PHACTR4: variants seen among roughly 807,000 people sequenced by gnomAD.
PHACTR4 encodes protein phosphatase 1, regulatory subunit 124.
A neutral mutation model predicts 72.7 loss-of-function variants in PHACTR4; 51 were observed. The observed-to-expected ratio is 0.70, with a 90% CI of 0.56 to 0.89. The LOEUF is 0.89. PHACTR4 is among the 40% of genes least tolerant of loss of function. PHACTR4 has a pLI of 0.00. For missense variants in PHACTR4, 731 were observed against 861.8 expected (o/e 0.85, Z 1.90); for synonymous variants, 255 against 302.5 (o/e 0.84, Z 1.63).
intron 2 of PHACTR4, among the ~76,000 whole-genome samples, chr1:28,423,986 T>G (rs1655674632): frequency 6.6e-6 from 1 of 152,106 alleles, no homozygotes; most frequent in Admixed American, 6.6e-5. Flanking sequence ...TTTATTTTAT[T>G]TATGTTCTAA....
At chr1:28,491,146 A>T in intron 11 of PHACTR4, 134 bp downstream of exon 11, 1 of 826,202 alleles carries the variant, frequency 1.2e-6, no homozygotes, top group Non-Finnish European at 1.9e-6. Flanking sequence ...TGGCAGGAGG[A>T]TTGCTTGAGC....
chr1:28,485,142 T>C (rs1307357857), intron 9 of PHACTR4, among the ~76,000 whole-genome samples: 1 of 152,056 alleles, frequency 6.6e-6, no homozygotes, highest in East Asian at 1.9e-4. Context: ...TCTGAAATAG[T>C]CACATTTATA....
intron 2 of PHACTR4, among the ~76,000 whole-genome samples, chr1:28,427,789 C>T (rs1172399793): frequency 6.6e-6 from 1 of 152,182 alleles, no homozygotes; most frequent in Non-Finnish European, 1.5e-5. Context: ...GTATTCACTG[C>T]TGTGTCCCAA....
At chr1:28,397,798 C>T (rs1203837669) in intron 1 of PHACTR4, among the ~76,000 whole-genome samples, 1 of 151,260 alleles carries the variant, frequency 6.6e-6, no homozygotes, top group Non-Finnish European at 1.5e-5. Flanking sequence ...TGGGTTCAAG[C>T]GATTCCTCTG....
chr1:28,445,823 G>A (rs1657426418), intron 2 of PHACTR4, among the ~76,000 whole-genome samples: 1 of 152,152 alleles, frequency 6.6e-6, no homozygotes, highest in African/African-American at 2.4e-5. Context: ...GAGCCCAGGA[G>A]GTTGAGGCTG....
At chr1:28,480,073 A>T (rs1660185055) in intron 8 of PHACTR4, among the ~76,000 whole-genome samples, 1 of 152,210 alleles carries the variant, frequency 6.6e-6, no homozygotes, top group Non-Finnish European at 1.5e-5. Flanking sequence ...TTGAGTCCTG[A>T]TTAATTGAAG....
chr1:28,381,302 CTTT>C (rs55790699), intron 1 of PHACTR4, among the ~76,000 whole-genome samples: 3 of 111,964 alleles, frequency 2.7e-5, no homozygotes, highest in Non-Finnish European at 3.6e-5. Flanking sequence ...TGCGCCTGGC[CTTT>C]TTTTTTTTTT....
At chr1:28,470,539 C>T (rs990336235) in intron 6 of PHACTR4, among the ~76,000 whole-genome samples, 1 of 150,376 alleles carries the variant, frequency 6.6e-6, no homozygotes, top group African/African-American at 2.5e-5. Flanking sequence ...AAATACCCCC[C>T]CCAAAAATTA....
Position 28,491,650 on chromosome 1 carries a change from CTCAG to C in PHACTR4, c.1883_1886del (p.Ser628LysfsTer14). 6.2e-7 allele frequency: 1 copy of C among 1,613,908 alleles called. No homozygotes were observed. The highest frequency in any genetic ancestry group is 1.1e-5 in the South Asian group (1 of 91,066). On this transcript the variant is annotated frameshift_variant and splice_region_variant, in exon 12 of 14. Transcript: ENST00000373839. LOFTEE classifies it high-confidence loss of function. ...AACTAAGAGGCTCCGTTTCCTTCAG[CTCAG>C]TCAAAGGCCAACTGTCGCTGAACTC... is the stretch of plus-strand genomic sequence containing the variant.
chr1:28,457,644 A>G (rs373003727), intron 2 of PHACTR4, among the ~76,000 whole-genome samples: 1 of 152,040 alleles, frequency 6.6e-6, no homozygotes, highest in East Asian at 1.9e-4. Flanking sequence ...TTTAAAAAAG[A>G]TGTTTTAGTG....
intron 2 of PHACTR4, among the ~76,000 whole-genome samples, chr1:28,449,115 G>A (rs544548428): frequency 6.6e-6 from 1 of 152,148 alleles, no homozygotes; most frequent in Admixed American, 6.6e-5. Context: ...TGTATTCCAA[G>A]CTGGGTGAAA....
chr1:28,416,381 T>A (rs906026225), intron 2 of PHACTR4, among the ~76,000 whole-genome samples: 4 of 152,210 alleles, frequency 2.6e-5, no homozygotes, highest in African/African-American at 7.2e-5. Context: ...CATATCTGTA[T>A]GTGTTTCTTC....
At chr1:28,433,038 T>A (rs1419991124) in intron 2 of PHACTR4, 1 of 984,658 alleles carries the variant, frequency 1.0e-6, no homozygotes, top group Non-Finnish European at 1.2e-6. Flanking sequence ...CCACTGCACC[T>A]GACCTAAGGT....
At chr1:28,464,212 C>G (rs1036151953) in intron 4 of PHACTR4, among the ~76,000 whole-genome samples, 1 of 152,088 alleles carries the variant, frequency 6.6e-6, no homozygotes, top group African/African-American at 2.4e-5. Context: ...ATGATCCACC[C>G]GCCTCGGCCT....
intron 9 of PHACTR4, among the ~76,000 whole-genome samples, chr1:28,486,061 TAA>T (rs956404570): frequency 1.3e-5 from 2 of 150,064 alleles, no homozygotes; most frequent in African/African-American, 4.9e-5. Context: ...TTATGCAATT[TAA>T]AAGACTGACA....
chr1:28,417,160 T>C (rs971401320), intron 2 of PHACTR4, among the ~76,000 whole-genome samples: 1 of 152,028 alleles, frequency 6.6e-6, no homozygotes, highest in African/African-American at 2.4e-5. Context: ...AGTGTTAAAA[T>C]GTGATTAGGC....
Position 28,496,514 on chromosome 1 carries a change from T to G in PHACTR4, c.2094-20T>G, listed in dbSNP as rs765237865. 1 of 1,613,446 alleles carries G rather than the reference T, an allele frequency of 6.2e-7. No individual in the cohort carries two copies. Among genetic ancestry groups the G allele is most frequent in the Non-Finnish European group, 8.5e-7 (1 of 1,179,424 alleles). On this transcript the variant is annotated intron_variant, in intron 13 of 13. Transcript: ENST00000373839. The stretch of plus-strand genomic sequence containing the variant: ...AATGTACATCATGTGGTAACTTGTC[T>G]CTTTTTTAATCTCTTTTAGCTACCA...
At chr1:28,381,750 T>C (rs766937476) in intron 1 of PHACTR4, among the ~76,000 whole-genome samples, 9 of 152,194 alleles carry the variant, frequency 5.9e-5, no homozygotes, top group Non-Finnish European at 1.2e-4. Flanking sequence ...TTGAAAAATG[T>C]CAGTTCATGT....
Position 28,491,709 on chromosome 1 carries a change from A to G in PHACTR4, c.1938A>G (p.Glu646=). The G allele has an allele frequency of 6.2e-7, 1 of 1,614,168 alleles. No individual in the cohort carries two copies. Among genetic ancestry groups the G allele is most frequent in the Non-Finnish European group, 8.5e-7 (1 of 1,180,030 alleles). ...LLARKILRFN[E]YVEVTDAQDY... ...CCAGGAAGATTCTGAGGTTTAATGA[A>G]TATGTAGAGGTAACAGATGCTCAAG... is the stretch of plus-strand genomic sequence containing the variant. Residue 646 remains glutamate (E), a synonymous_variant, in exon 12 of 14, where the codon GAA becomes GAG. Coordinates refer to ENST00000373839, the MANE Select transcript of PHACTR4 (RefSeq NM_001048183.3).
Sources: allele counts gnomAD v4.1 joint callset (sites outside exome capture counted in the v4.1 genomes callset), GRCh38; gene constraint gnomAD v4.1.1; transcripts MANE v1.5; gene names NCBI Gene and HGNC (gene_info 2026-07-23, HGNC 2026-07-21).